Variants in STK32B observed in about 807,000 individuals in gnomAD.
STK32B encodes serine/threonine-protein kinase 32B.
Under a neutral mutation model 52.6 loss-of-function variants are expected in STK32B, and 43 were observed. The observed-to-expected ratio is 0.82, with a 90% CI of 0.64 to 1.05. STK32B has a LOEUF of 1.05. Among genes scored for constraint, STK32B ranks in the 50% least tolerant of loss-of-function variants. STK32B has a pLI of 0.00. For synonymous variants in STK32B, 238 were observed against 204.3 expected (o/e 1.17, Z -1.41); for missense variants, 621 against 534.6 (o/e 1.16, Z -1.59).
the STK32B span, among the ~76,000 whole-genome samples, chr4:5,040,998 C>G: frequency 6.6e-6 from 1 of 152,186 alleles, no homozygotes; most frequent in Non-Finnish European, 1.5e-5. Context: ...GTGTGCGGCC[C>G]ATCCTTGATG....
chr4:5,307,544 C>G (rs888763478), intron 3 of STK32B, among the ~76,000 whole-genome samples: 3 of 126,732 alleles, frequency 2.4e-5, no homozygotes, highest in Admixed American at 1.4e-4. Flanking sequence ...TTCATATGCT[C>G]TATCTTTTTT....
intron 2 of STK32B, among the ~76,000 whole-genome samples, chr4:5,160,218 A>T (rs1258146587): frequency 1.3e-5 from 2 of 152,162 alleles, no homozygotes; most frequent in East Asian, 3.9e-4. Flanking sequence ...CGCTTTGCAC[A>T]TCTCCACAAT....
In STK32B at chr4:5,419,336, T is replaced by G. The variant is rs373539814; in HGVS notation, c.562+2402T>G. Among the ~76,000 whole-genome samples, 7 of 152,308 alleles carry G rather than the reference T, an allele frequency of 4.6e-5. No homozygotes were observed. In the South Asian group the frequency reaches 1.0e-3, roughly 23 times the overall value. ...ATCTGGAGTTCTTCTTTCCTTTGTC[T>G]GTAGGGTCTCTGTCCTGAGGCAGTT... On this transcript the variant is annotated intron_variant, in intron 6 of 11. Transcript: ENST00000282908.
the STK32B span, among the ~76,000 whole-genome samples, chr4:5,021,247 A>C: frequency 6.6e-6 from 1 of 152,096 alleles, no homozygotes; most frequent in African/African-American, 2.4e-5. Flanking sequence ...TTATTTATCT[A>C]GTTTCTGGTG....
At chr4:5,486,031 A>T (rs1453162071) in intron 11 of STK32B, among the ~76,000 whole-genome samples, 1 of 152,048 alleles carries the variant, frequency 6.6e-6, no homozygotes, top group Non-Finnish European at 1.5e-5. Flanking sequence ...CTACTCGGGG[A>T]TCAGGGACCC....
Position 5,398,269 on chromosome 4 carries a change from AG to A in STK32B, c.472+28del, listed in dbSNP as rs777654175. The A allele has an allele frequency of 3.7e-5, 59 of 1,613,490 alleles. No homozygotes were observed. The African/African-American group carries it at 7.3e-4, about 20-fold the overall frequency. ...GGTAAGCCTGCTACTAATCCTTTAC[AG>A]GGACTCTCAGTGGAAAGTTTGAGGC... On this transcript the variant is annotated intron_variant, in intron 5 of 11. Coordinates refer to ENST00000282908, the MANE Select transcript of STK32B (RefSeq NM_018401.3). The surrounding 1 kb of genome is among the most constrained non-coding windows in gnomAD (Gnocchi z 4.9).
intron 3 of STK32B, among the ~76,000 whole-genome samples, chr4:5,195,461 G>A (rs1324991893): frequency 6.6e-6 from 1 of 152,184 alleles, no homozygotes; most frequent in African/African-American, 2.4e-5. Flanking sequence ...GGGAGGCCAA[G>A]GCAGGCAGAT....
Position 5,422,717 on chromosome 4 carries a change from T to G in STK32B, c.562+5783T>G, listed in dbSNP as rs76729068. Among the ~76,000 whole-genome samples the G allele has an allele frequency of 2.7e-4, 41 of 152,296 alleles. No individual in the cohort carries two copies. The East Asian group carries it at 6.2e-3, about 23-fold the overall frequency. The stretch of plus-strand genomic sequence containing the variant: ...GAGCGGGGTACTGCTCTCCCAGTCC[T>G]CACACAGATTGTATGAACATAGTTG... On this transcript the variant is annotated intron_variant, in intron 6 of 11. Coordinates refer to ENST00000282908, the MANE Select transcript of STK32B (RefSeq NM_018401.3).
intron 6 of STK32B, among the ~76,000 whole-genome samples, chr4:5,424,463 A>C (rs1448151745): frequency 6.6e-6 from 1 of 152,158 alleles, no homozygotes; most frequent in East Asian, 1.9e-4. Context: ...TAATCAGCAC[A>C]TACTTCCTCC....
At chr4:5,389,782 A>G (rs1203610028) in intron 4 of STK32B, among the ~76,000 whole-genome samples, 2 of 152,150 alleles carry the variant, frequency 1.3e-5, no homozygotes, top group African/African-American at 4.8e-5. Flanking sequence ...GTGTCACCTT[A>G]CAGGGCAAAA....
intron 1 of STK32B, among the ~76,000 whole-genome samples, chr4:5,086,590 CAAT>C: frequency 6.6e-6 from 1 of 151,922 alleles, no homozygotes; most frequent in African/African-American, 2.4e-5. Context: ...TGACAAAAAA[CAAT>C]AAGCTACACT....
chr4:5,257,251 GTGAA>G (rs1010852196), intron 3 of STK32B, among the ~76,000 whole-genome samples: 6 of 151,934 alleles, frequency 3.9e-5, no homozygotes, highest in Admixed American at 6.6e-5. Context: ...GAATGATTGA[GTGAA>G]TGAATGAGTG....
intron 6 of STK32B, among the ~76,000 whole-genome samples, chr4:5,421,988 A>G (rs1358378367): frequency 3.3e-5 from 5 of 152,262 alleles, no homozygotes; most frequent in African/African-American, 1.2e-4. Context: ...CCTTTTTGAC[A>G]CTGAGCTCCT....
At chr4:5,433,514 C>G (rs560445958) in intron 6 of STK32B, among the ~76,000 whole-genome samples, 7 of 152,280 alleles carry the variant, frequency 4.6e-5, no homozygotes, top group African/African-American at 1.7e-4. Context: ...GACTTGGGTT[C>G]TAGTCCCAGC....
chr4:5,374,762 A>G (rs1372029723), intron 4 of STK32B, among the ~76,000 whole-genome samples: 1 of 146,266 alleles, frequency 6.8e-6, no homozygotes, highest in Non-Finnish European at 1.5e-5. Flanking sequence ...GTTTCAACAT[A>G]TGAATATTGA....
chr4:5,373,840 G>A (rs1424396014), intron 4 of STK32B, among the ~76,000 whole-genome samples: 1 of 151,304 alleles, frequency 6.6e-6, no homozygotes, highest in African/African-American at 2.4e-5. Context: ...TTCCAAGATG[G>A]TTTCAACCTT....
At chr4:5,107,267 T>G (rs369295356) in intron 1 of STK32B, among the ~76,000 whole-genome samples, 1 of 152,154 alleles carries the variant, frequency 6.6e-6, no homozygotes, top group East Asian at 1.9e-4. Context: ...ACCATCTAGT[T>G]GCAGGAAAAT....
At chr4:5,142,675 T>G (rs1353725105) in intron 2 of STK32B, among the ~76,000 whole-genome samples, 1 of 152,226 alleles carries the variant, frequency 6.6e-6, no homozygotes, top group Non-Finnish European at 1.5e-5. Context: ...GGCAGAAATC[T>G]TTTTTAAAAA....
intron 3 of STK32B, among the ~76,000 whole-genome samples, chr4:5,240,579 C>T (rs1724955602): frequency 6.6e-6 from 1 of 152,154 alleles, no homozygotes; most frequent in Admixed American, 6.5e-5. Flanking sequence ...TCTGCCTCAG[C>T]CTCCCAAAGA....
Sources: gnomAD v4.1 joint callset for allele counts (sites outside exome capture counted in the v4.1 genomes callset) on GRCh38, gnomAD v4.1.1 for gene constraint, Gnocchi (gnomAD v3.1) non-coding constraint, MANE v1.5 for transcripts, NCBI Gene and HGNC (gene_info 2026-07-23, HGNC 2026-07-21) for gene names.